The following USP48 variants were observed in gnomAD, a reference collection of about 807,000 sequenced individuals.
USP48 encodes the protein ubiquitin specific peptidase 48.
Under a neutral mutation model 150.7 loss-of-function variants are expected in USP48, and 43 were observed. The ratio of observed to expected loss-of-function variants is 0.29; its 90% CI spans 0.22 to 0.37. The LOEUF (loss-of-function observed/expected upper bound fraction) is 0.37. USP48 is among the 10% of genes least tolerant of loss of function. USP48 has a pLI of 1.00. For synonymous variants in USP48, 396 were observed against 425.9 expected, an observed-to-expected ratio of 0.93 and a Z score of 0.86; for missense variants, 813 against 1,249.6, an observed-to-expected ratio of 0.65 and a Z score of 5.27.
chr1:21,678,560 T>A lies in USP48; in HGVS notation c.*857A>T, dbSNP rs1359920236. On this transcript the variant is annotated 3_prime_UTR_variant, in exon 27 of 27. Transcript: ENST00000308271. ...GAACAAATTTTATAGAAACCTTGTG[T>A]TATCCAAATGTACTTCAGTCTGATT... The A allele has an allele frequency of 2.0e-5, 3 of 152,208 alleles. No individual in the cohort carries two copies. Among genetic ancestry groups the A allele is most frequent in the African/African-American group, 7.2e-5 (3 of 41,458 alleles). The allele number at this position is 152,208 out of a possible 1,614,324, so 9.4% of individuals were successfully genotyped here.
chr1:21,765,560 T>C (rs2097859630), intron 1 of USP48, among the ~76,000 whole-genome samples: 1 of 149,026 alleles, frequency 6.7e-6, no homozygotes, highest in Admixed American at 6.7e-5. Flanking sequence ...GAGGTTGCAG[T>C]GAGCCGAGAT....
chr1:21,680,947 T>C (rs1488580521), intron 25 of USP48, 113 bp from the exon 26 acceptor site: 2 of 747,534 alleles, frequency 2.7e-6, no homozygotes, highest in East Asian at 2.9e-5. Flanking sequence ...ATTACCTTTG[T>C]CACCTGTAAT....
intron 7 of USP48, 42 bp downstream of exon 7, chr1:21,748,096 G>C: frequency 6.3e-7 from 1 of 1,593,310 alleles, no homozygotes; most frequent in Non-Finnish European, 8.6e-7. Context: ...GTACATAGTA[G>C]ACCACAATGA....
At position 21,704,608 on chromosome 1, in the gene USP48, C is replaced by G. The variant is rs557862861; in HGVS notation, c.2385-216G>C. 6.7e-6 allele frequency: 3 copies of G among 451,038 alleles called. No homozygotes were observed. In the South Asian group the frequency reaches 1.4e-4, roughly 20 times the overall value. The allele number at this position is 451,038 out of a possible 1,614,324, so 27.9% of individuals were successfully genotyped here. A position where few individuals can be genotyped will look rare whatever the true frequency, so the allele number is the denominator to read the frequency against. On this transcript the variant is annotated intron_variant, in intron 19 of 26. Coordinates refer to ENST00000308271, the MANE Select transcript of USP48 (RefSeq NM_032236.8). ...AATGGACTGAAATTACATGAATCAA[C>G]ATGGTTAGATCTCAAAAACATAATT...
chr1:21,683,708 T>C (rs368349756), intron 25 of USP48, among the ~76,000 whole-genome samples: 2 of 152,306 alleles, frequency 1.3e-5, no homozygotes, highest in East Asian at 3.9e-4. Context: ...ATATACAACA[T>C]ATCACCCTAC....
chr1:21,679,488 A>T, intron 26 of USP48, 49 bp from the exon 27 acceptor site: 1 of 1,607,450 alleles, frequency 6.2e-7, no homozygotes, highest in African/African-American at 1.3e-5. Context: ...TACAGATTAA[A>T]AGTTCATGGA....
chr1:21,704,335 A>T lies in USP48; in HGVS notation c.2442T>A (p.Asp814Glu). 6.2e-7 allele frequency: 1 copy of T among 1,614,022 alleles called. No individual in the cohort carries two copies. Reference protein sequence around the residue: ...WQMIQKLFVVDHVIKITRIEV... With the variant: ...WQMIQKLFVVEHVIKITRIEV... ...CAATTCTCGTGATTTTAATTACATG[A>T]TCCACAACAAAGAGCTTTTGTATCA... The change falls in exon 20 of 27, where the codon GAT becomes GAA. Residue 814 changes from aspartate (D) to glutamate (E), a missense_variant. Physicochemically the swap from Asp to Glu is conservative, Grantham distance 45 (BLOSUM62 2). Coordinates refer to ENST00000308271, the MANE Select transcript of USP48 (RefSeq NM_032236.8).
chr1:21,769,306 G>A lies in USP48; in HGVS notation c.135-11523C>T, dbSNP rs12116470. ...GGGAAGATAAATCTTTATCTTATGGGAGCTACATGATGAGAACTTCTGAAC... is the reference window on the plus strand; with the variant it reads ...GGGAAGATAAATCTTTATCTTATGGAAGCTACATGATGAGAACTTCTGAAC... On this transcript the variant is annotated intron_variant, in intron 1 of 26. Transcript: ENST00000308271. 5.9e-3 allele frequency among the ~76,000 whole-genome samples: 894 copies of A among 151,628 alleles called. 6 individuals are homozygous for A. The highest frequency in any genetic ancestry group is 0.02 in the African/African-American group (812 of 41,378).
chr1:21,679,727 C>T (rs1178239621), intron 26 of USP48, among the ~76,000 whole-genome samples: 1 of 152,214 alleles, frequency 6.6e-6, no homozygotes, highest in African/African-American at 2.4e-5. Flanking sequence ...GAGAGTTTCA[C>T]TCTTGTCGCC....
chr1:21,716,802 G>A (rs1035546829), intron 14 of USP48, among the ~76,000 whole-genome samples: 8 of 152,268 alleles, frequency 5.3e-5, no homozygotes, highest in Admixed American at 3.3e-4. Context: ...GCTGAGGCGG[G>A]TGGATCACGA....
intron 8 of USP48, among the ~76,000 whole-genome samples, chr1:21,745,580 T>TA (rs1276868688): frequency 6.6e-6 from 1 of 152,078 alleles, no homozygotes; most frequent in Non-Finnish European, 1.5e-5. Context: ...TAATAAAAAA[T>TA]AAAAAATACT....
chr1:21,765,638 C>G (rs1471883821), intron 1 of USP48, among the ~76,000 whole-genome samples: 1 of 151,150 alleles, frequency 6.6e-6, no homozygotes, highest in African/African-American at 2.4e-5. Context: ...GGGGGACAGC[C>G]CGAAGCTGAA....
chr1:21,701,352 C>A, intron 22 of USP48, 146 bp downstream of exon 22: 1 of 527,198 alleles, frequency 1.9e-6, no homozygotes, highest in South Asian at 2.2e-5. Flanking sequence ...GGCAACAGTG[C>A]GAGACTCCAT....
In USP48 at chr1:21,731,550, C is replaced by T. The variant is rs1298515357; in HGVS notation, c.1172-1718G>A. On this transcript the variant is annotated intron_variant, in intron 9 of 26. Coordinates refer to ENST00000308271, the MANE Select transcript of USP48 (RefSeq NM_032236.8). Reference sequence around the variant, plus strand: ...AAGTGCTGGGATTACAGGAGTGAGCCACCCCACCCAGCCTAAAATAGCATA... The same window carrying T: ...AAGTGCTGGGATTACAGGAGTGAGCTACCCCACCCAGCCTAAAATAGCATA... 2.6e-5 allele frequency among the ~76,000 whole-genome samples: 4 copies of T among 151,034 alleles called. No homozygotes were observed. In the East Asian group the frequency reaches 8.0e-4, roughly 30 times the overall value.
intron 22 of USP48, among the ~76,000 whole-genome samples, chr1:21,697,091 A>C (rs2097636003): frequency 6.6e-6 from 1 of 152,156 alleles, no homozygotes; most frequent in Non-Finnish European, 1.5e-5. Flanking sequence ...AAAGTGGTTT[A>C]ACGGTCATTA....
At chr1:21,734,955 C>A (rs2097765490) in intron 9 of USP48, among the ~76,000 whole-genome samples, 1 of 152,190 alleles carries the variant, frequency 6.6e-6, no homozygotes, top group Non-Finnish European at 1.5e-5. Flanking sequence ...AAGAAGTAGT[C>A]TTTATGGCAG....
chr1:21,680,882 G>A, intron 25 of USP48, 48 bp from the exon 26 acceptor site: 1 of 1,456,558 alleles, frequency 6.9e-7, no homozygotes, highest in Admixed American at 2.1e-5. Flanking sequence ...AGATTGTCGT[G>A]ACAGACAGTA....
chr1:21,693,880 C>T (rs2097612384), intron 23 of USP48, among the ~76,000 whole-genome samples: 1 of 152,198 alleles, frequency 6.6e-6, no homozygotes, highest in South Asian at 2.1e-4. Context: ...AAAGGAAGGC[C>T]TGTACTTTTG....
chr1:21,742,342 G>A (rs566739872), intron 8 of USP48, among the ~76,000 whole-genome samples: 18 of 152,090 alleles, frequency 1.2e-4, no homozygotes, highest in African/African-American at 4.3e-4. Flanking sequence ...TCAGGAGTTC[G>A]AGACCAGCCT....
Sources: allele counts gnomAD v4.1 joint callset (sites outside exome capture counted in the v4.1 genomes callset), GRCh38; gene constraint gnomAD v4.1.1; transcripts MANE v1.5; gene names NCBI Gene and HGNC (gene_info 2026-07-23, HGNC 2026-07-21).